SATL1: variants seen among roughly 807,000 people sequenced by gnomAD.
SATL1 encodes spermidine/spermine N(1)-acetyltransferase-like protein 1.
SATL1 carries 47 observed loss-of-function variants against 51.8 expected under a neutral mutation model. The observed-to-expected ratio is 0.91, with a 90% CI of 0.72 to 1.16. The LOEUF is 1.16. SATL1 is among the 50% of genes most tolerant of loss of function. The probability of loss-of-function intolerance (pLI) is 0.00; values close to 1 mark genes in which losing one functional copy is unlikely to be tolerated. For missense variants in SATL1, 520 were observed against 526.4 expected, an observed-to-expected ratio of 0.99 and a Z score of 0.12; for synonymous variants, 176 against 182.4, an observed-to-expected ratio of 0.97 and a Z score of 0.28.
At chrX:85,173,978 T>C in intron 2 of SATL1, among the ~76,000 whole-genome samples, 1 of 94,643 alleles carries the variant, frequency 1.1e-5, no homozygotes, top group African/African-American at 3.9e-5. Context: ...TGTGTCCAAG[T>C]GTTCTCGTTG....
At chrX:85,129,484 A>G (rs1254658992) in intron 2 of SATL1, among the ~76,000 whole-genome samples, 8 of 111,652 alleles carry the variant, frequency 7.2e-5, no homozygotes, top group African/African-American at 2.0e-4. Context: ...TGTGATTTTT[A>G]CACAGTGATT....
intron 2 of SATL1, among the ~76,000 whole-genome samples, chrX:85,175,155 T>A (rs1927059135): frequency 9.0e-6 from 1 of 111,580 alleles, no homozygotes. Context: ...TAGTGAAATT[T>A]GTTGGGCCCC....
At chrX:85,234,826 C>T (rs1928448074) in intron 1 of SATL1, among the ~76,000 whole-genome samples, 1 of 110,470 alleles carries the variant, frequency 9.1e-6, no homozygotes, top group African/African-American at 3.3e-5. Context: ...AACCAGAAAA[C>T]AAAAAACAAA....
At chrX:85,168,256 G>A (rs775761017) in intron 2 of SATL1, among the ~76,000 whole-genome samples, 6 of 111,112 alleles carry the variant, frequency 5.4e-5, no homozygotes, top group South Asian at 3.8e-4. Context: ...CCTATTCAAC[G>A]TAGTATCAGA....
intron 2 of SATL1, among the ~76,000 whole-genome samples, chrX:85,146,311 C>T (rs1373636773): frequency 1.8e-5 from 2 of 111,299 alleles, no homozygotes; most frequent in African/African-American, 6.5e-5. Context: ...ATTTATTGTC[C>T]ATTTAAAAAT....
intron 4 of SATL1, among the ~76,000 whole-genome samples, chrX:85,102,689 A>AT (rs2147686385): frequency 9.0e-6 from 1 of 111,664 alleles, no homozygotes; most frequent in African/African-American, 3.3e-5. Context: ...CCTGAGCAGT[A>AT]TTTTTCTAAC....
At chrX:85,126,662 A>G (rs955615620) in intron 2 of SATL1, among the ~76,000 whole-genome samples, 2 of 111,071 alleles carry the variant, frequency 1.8e-5, no homozygotes, top group East Asian at 5.7e-4. Context: ...ATTGATTTGG[A>G]CAGTCCAACC....
rs375835922 is a variant in SATL1, at chrX:85,148,751, A to T, written c.-312-39471T>A. ...GTGAAGGAGAAATAAAGTCCTTTAC[A>T]GACAAGCAAATGCTGAGTGATTTTG... On this transcript the variant is annotated intron_variant, in intron 2 of 7. Coordinates refer to ENST00000644105, the MANE Select transcript of SATL1 (RefSeq NM_001367857.2). Among the ~76,000 whole-genome samples, 52 of 111,691 alleles carry T rather than the reference A, an allele frequency of 4.7e-4. No homozygotes were observed. The South Asian group carries it at 0.017, about 37-fold the overall frequency.
intron 2 of SATL1, among the ~76,000 whole-genome samples, chrX:85,201,051 T>C (rs1317552120): frequency 1.8e-5 from 2 of 110,740 alleles, no homozygotes; most frequent in Non-Finnish European, 3.8e-5. Context: ...TTGTCTACAG[T>C]ACCTCAGGGT....
At chrX:85,102,279 T>C (rs1924918496) in intron 4 of SATL1, among the ~76,000 whole-genome samples, 1 of 101,652 alleles carries the variant, frequency 9.8e-6, no homozygotes, top group Non-Finnish European at 2.0e-5. Flanking sequence ...TTCCCCTTCC[T>C]GTGTCCATGT....
chrX:85,095,758 G>A (rs1421775471), intron 4 of SATL1, among the ~76,000 whole-genome samples: 11 of 99,167 alleles, frequency 1.1e-4, no homozygotes, highest in African/African-American at 3.7e-4. Flanking sequence ...CCCGGGAGGC[G>A]GAGCTTGCAG....
intron 2 of SATL1, among the ~76,000 whole-genome samples, chrX:85,223,857 A>G (rs1928222344): frequency 9.0e-6 from 1 of 111,390 alleles, no homozygotes; most frequent in Non-Finnish European, 1.9e-5. Flanking sequence ...AGAGACAAAA[A>G]TAGGAGTGAC....
intron 2 of SATL1, among the ~76,000 whole-genome samples, chrX:85,135,701 T>C (rs1925936211): frequency 9.4e-6 from 1 of 106,948 alleles, no homozygotes; most frequent in Non-Finnish European, 1.9e-5. Context: ...CCCCCGCACC[T>C]GAAGTAGCTG....
intron 2 of SATL1, among the ~76,000 whole-genome samples, chrX:85,116,498 G>A (rs1030726239): frequency 1.8e-5 from 2 of 111,639 alleles, no homozygotes; most frequent in East Asian, 2.8e-4. Context: ...GCACTCGGGA[G>A]GGGCTGCATG....
chrX:85,199,974 GA>G (rs993511354), intron 2 of SATL1, among the ~76,000 whole-genome samples: 1 of 111,996 alleles, frequency 8.9e-6, no homozygotes, highest in African/African-American at 3.2e-5. Context: ...GTAACACAAA[GA>G]AAGGATAAAT....
chrX:85,204,129 C>A (rs1012216522), intron 2 of SATL1, among the ~76,000 whole-genome samples: 1 of 111,559 alleles, frequency 9.0e-6, no homozygotes, highest in Non-Finnish European at 1.9e-5. Flanking sequence ...TTAAGGGTTG[C>A]AAAGATCTGT....
chrX:85,151,316 A>G (rs1285712808), intron 2 of SATL1, among the ~76,000 whole-genome samples: 1 of 111,495 alleles, frequency 9.0e-6, no homozygotes, highest in Non-Finnish European at 1.9e-5. Context: ...GAAATAAAAA[A>G]GGATACAAAC....
intron 2 of SATL1, among the ~76,000 whole-genome samples, chrX:85,113,807 C>T (rs1215944127): frequency 1.8e-5 from 2 of 111,771 alleles, no homozygotes; most frequent in Non-Finnish European, 3.8e-5. Flanking sequence ...CTTTTTAAAA[C>T]CTTAAGCCCA....
intron 1 of SATL1, among the ~76,000 whole-genome samples, chrX:85,241,428 A>C (rs899068181): frequency 1.8e-5 from 2 of 111,842 alleles, no homozygotes; most frequent in Non-Finnish European, 3.8e-5. Flanking sequence ...TGAATGTAAA[A>C]CAAAAGTTGA....
Sources: gnomAD v4.1 joint callset for allele counts (sites outside exome capture counted in the v4.1 genomes callset) on GRCh38, gnomAD v4.1.1 for gene constraint, MANE v1.5 for transcripts, NCBI Gene and HGNC (gene_info 2026-07-23, HGNC 2026-07-21) for gene names.